The following CRACR2A variants were observed in gnomAD, a reference collection of about 807,000 sequenced individuals.
The protein encoded by CRACR2A is EF-hand calcium-binding domain-containing protein 4B.
Under a neutral mutation model 90.5 loss-of-function variants are expected in CRACR2A, and 79 were observed. The ratio of observed to expected loss-of-function variants is 0.87; its 90% CI spans 0.73 to 1.05. The LOEUF (loss-of-function observed/expected upper bound fraction) is 1.05. Ranked by LOEUF, CRACR2A falls within the 50% of genes least tolerant of loss-of-function variation. CRACR2A has a pLI of 0.00. For synonymous variants in CRACR2A, 338 were observed against 356.7 expected (o/e 0.95, Z 0.59); for missense variants, 823 against 897.2 (o/e 0.92, Z 1.06).
At chr12:3,739,844 G>A (rs1394477364) in intron 1 of CRACR2A, among the ~76,000 whole-genome samples, 2 of 151,276 alleles carry the variant, frequency 1.3e-5, no homozygotes, top group Non-Finnish European at 2.9e-5. Context: ...TGAGGCAGGA[G>A]AATCGCTTGA....
At chr12:3,701,368 A>G (rs1380505432) in intron 3 of CRACR2A, among the ~76,000 whole-genome samples, 3 of 152,160 alleles carry the variant, frequency 2.0e-5, no homozygotes, top group African/African-American at 4.8e-5. Context: ...GGAGAAGAAA[A>G]AATGAAATAG....
At position 3,638,409 on chromosome 12, in the gene CRACR2A, G is replaced by C; in HGVS notation, c.1317C>G (p.Ser439Arg). Residue 439 changes from serine (S) to arginine (R), a missense_variant, in exon 14 of 20, where the codon AGC becomes AGG. Ser to Arg is a moderately radical substitution (Grantham distance 110). Transcript: ENST00000440314. ...EEEVFGIPRR[S>R]SLGLSGYPLT... ...GGGGATATCCACTCAGGCCCAGGGAGCTTCTCCTTGGGATGCCAAACACCT... is the reference window on the plus strand; with the variant it reads ...GGGGATATCCACTCAGGCCCAGGGACCTTCTCCTTGGGATGCCAAACACCT... 2 of 1,548,652 alleles carry C rather than the reference G, an allele frequency of 1.3e-6. No homozygotes were observed. Among genetic ancestry groups the C allele is most frequent in the African/African-American group, 1.4e-5 (1 of 73,046 alleles).
intron 8 of CRACR2A, among the ~76,000 whole-genome samples, chr12:3,657,903 G>A (rs145351492): frequency 1.3e-5 from 2 of 152,144 alleles, no homozygotes; most frequent in African/African-American, 4.8e-5. Flanking sequence ...CAAACAAACT[G>A]GTAAGGGTCA....
At chr12:3,662,162 C>T (rs1266800398) in intron 7 of CRACR2A, among the ~76,000 whole-genome samples, 4 of 152,140 alleles carry the variant, frequency 2.6e-5, no homozygotes, top group African/African-American at 9.7e-5. Context: ...TCCAGGTGGG[C>T]ATCAGAGATC....
intron 4 of CRACR2A, 82 bp downstream of exon 4, chr12:3,696,690 C>T: frequency 1.3e-6 from 2 of 1,584,410 alleles, no homozygotes; most frequent in South Asian, 2.3e-5. Context: ...AAGGATGTCA[C>T]CTCCCACGGG....
chr12:3,660,863 C>T (rs1437183239), intron 7 of CRACR2A, among the ~76,000 whole-genome samples: 1 of 146,608 alleles, frequency 6.8e-6, no homozygotes, highest in Admixed American at 6.9e-5. Flanking sequence ...CACACACACA[C>T]ACACACACAC....
intron 2 of CRACR2A, among the ~76,000 whole-genome samples, chr12:3,718,602 TTAA>T (rs1180744072): frequency 2.0e-5 from 3 of 152,262 alleles, no homozygotes; most frequent in Non-Finnish European, 4.4e-5. Context: ...AAAGATCTCG[TTAA>T]TAATTTTTAG....
intron 15 of CRACR2A, among the ~76,000 whole-genome samples, chr12:3,630,078 T>C (rs1944352528): frequency 6.6e-6 from 1 of 151,922 alleles, no homozygotes; most frequent in Non-Finnish European, 1.5e-5. Context: ...TGCAGCTCAT[T>C]TTGGGGGGTT....
chr12:3,695,530 G>T (rs1945724717), intron 4 of CRACR2A, among the ~76,000 whole-genome samples: 2 of 152,190 alleles, frequency 1.3e-5, no homozygotes, highest in Non-Finnish European at 2.9e-5. Flanking sequence ...GCCAGGGAAA[G>T]AACTGCCACA....
intron 3 of CRACR2A, among the ~76,000 whole-genome samples, chr12:3,705,621 T>C (rs1479632796): frequency 6.6e-6 from 1 of 152,168 alleles, no homozygotes; most frequent in Non-Finnish European, 1.5e-5. Flanking sequence ...CAGCAGTACC[T>C]GGAAGCCCCA....
chr12:3,679,059 T>A lies in CRACR2A; in HGVS notation c.380A>T (p.Asp127Val). 6 of 1,613,536 alleles carry A rather than the reference T, an allele frequency of 3.7e-6. No individual in the cohort carries two copies. Among genetic ancestry groups the A allele is most frequent in the Admixed American group, 1.7e-5 (1 of 59,854 alleles). Residue 127 changes from aspartate to valine, a missense_variant, in exon 6 of 20, where the codon GAT becomes GTT. By Grantham distance (152) the Asp-to-Val change is radical (BLOSUM62 -3). Transcript: ENST00000440314. ...FFSQNNPSQE[D>V]AGEQVAQRHE... ...GCGCTGGGCCACCTGTTCACCTGCA[T>A]CTTCCTGACTTGGGTTATTCTGGCT...
At chr12:3,646,970 G>A (rs907298258) in intron 11 of CRACR2A, among the ~76,000 whole-genome samples, 6 of 152,156 alleles carry the variant, frequency 3.9e-5, no homozygotes, top group South Asian at 2.1e-4. Flanking sequence ...GACTCGGGTT[G>A]GTTAAGTCAA....
chr12:3,672,143 G>T (rs2137570545), intron 7 of CRACR2A, among the ~76,000 whole-genome samples: 1 of 152,226 alleles, frequency 6.6e-6, no homozygotes, highest in South Asian at 2.1e-4. Context: ...AGTCCTAAAA[G>T]TCCTTTCTCC....
chr12:3,725,055 C>T (rs900289258), intron 2 of CRACR2A, among the ~76,000 whole-genome samples: 4 of 152,190 alleles, frequency 2.6e-5, no homozygotes, highest in South Asian at 2.1e-4. Flanking sequence ...CCTGGACAGT[C>T]GCTGTCCTAT....
At chr12:3,737,553 G>A (rs1946465158) in intron 1 of CRACR2A, among the ~76,000 whole-genome samples, 1 of 152,190 alleles carries the variant, frequency 6.6e-6, no homozygotes, top group African/African-American at 2.4e-5. Flanking sequence ...CATGGAGGCT[G>A]GTTGGGGGAA....
chr12:3,750,989 C>T (rs561857284), intron 1 of CRACR2A, among the ~76,000 whole-genome samples: 1 of 152,240 alleles, frequency 6.6e-6, no homozygotes, highest in African/African-American at 2.4e-5. Context: ...ACTCTGGAAT[C>T]CAAATCGCCA....
chr12:3,648,103 C>A, intron 11 of CRACR2A: 1 of 1,002,870 alleles, frequency 1.0e-6, no homozygotes. Flanking sequence ...GCTGTGTCGC[C>A]TGTGGTAAAT....
chr12:3,621,023 T>A (rs940425224), intron 17 of CRACR2A, among the ~76,000 whole-genome samples: 3 of 152,188 alleles, frequency 2.0e-5, no homozygotes, highest in Admixed American at 6.5e-5. Context: ...GAAGAGCTTT[T>A]CACGGAAAGG....
At chr12:3,710,340 A>AT (rs1433835182) in intron 3 of CRACR2A, among the ~76,000 whole-genome samples, 1 of 152,154 alleles carries the variant, frequency 6.6e-6, no homozygotes, top group East Asian at 1.9e-4. Flanking sequence ...TAATATAACA[A>AT]AATACCATAG....
Sources: allele counts gnomAD v4.1 joint callset (sites outside exome capture counted in the v4.1 genomes callset), GRCh38; gene constraint gnomAD v4.1.1; transcripts MANE v1.5; gene names NCBI Gene and HGNC (gene_info 2026-07-23, HGNC 2026-07-21).